Variants in INSYN2B observed in about 807,000 individuals in gnomAD.
The protein encoded by INSYN2B is protein INSYN2B.
In INSYN2B, 16 loss-of-function variants were observed where a neutral mutation model predicts 41.2. The ratio of observed to expected loss-of-function variants is 0.39; its 90% CI spans 0.26 to 0.59. The LOEUF (loss-of-function observed/expected upper bound fraction) is 0.59, where lower values mean the gene tolerates loss of function less well. Among genes scored for constraint, INSYN2B ranks in the 20% least tolerant of loss-of-function variants. The pLI is 0.57. For synonymous variants in INSYN2B, 245 were observed against 244.4 expected, an observed-to-expected ratio of 1.00 and a Z score of -0.02; for missense variants, 608 against 646.4, an observed-to-expected ratio of 0.94 and a Z score of 0.64.
At chr5:169,889,946 G>A (rs1413895162) in intron 1 of INSYN2B, among the ~76,000 whole-genome samples, 1 of 152,194 alleles carries the variant, frequency 6.6e-6, no homozygotes, top group Non-Finnish European at 1.5e-5. Flanking sequence ...TCCCTTCTCT[G>A]AACTTAGTAA....
At chr5:169,869,961 C>A (rs1262999176) in intron 3 of INSYN2B, among the ~76,000 whole-genome samples, 2 of 152,182 alleles carry the variant, frequency 1.3e-5, no homozygotes, top group Non-Finnish European at 2.9e-5. Context: ...TTGCAGAACC[C>A]TGGCTTACAG....
intron 3 of INSYN2B, among the ~76,000 whole-genome samples, chr5:169,880,767 A>T (rs915471150): frequency 6.6e-6 from 1 of 152,216 alleles, no homozygotes; most frequent in South Asian, 2.1e-4. Context: ...TTGGGGATTA[A>T]AACACAGATC....
chr5:169,919,358 C>G (rs1320133213), intron 1 of INSYN2B, among the ~76,000 whole-genome samples: 2 of 152,206 alleles, frequency 1.3e-5, no homozygotes, highest in Non-Finnish European at 2.9e-5. Flanking sequence ...ACTGCGTTGC[C>G]TTCCCTCCAT....
At chr5:169,900,406 C>T (rs376188946) in intron 1 of INSYN2B, among the ~76,000 whole-genome samples, 5 of 152,140 alleles carry the variant, frequency 3.3e-5, no homozygotes, top group South Asian at 2.1e-4. Context: ...GTTTTTCCTT[C>T]CACATAAACT....
intron 1 of INSYN2B, among the ~76,000 whole-genome samples, chr5:169,963,928 C>T (rs982630058): frequency 2.6e-5 from 4 of 152,066 alleles, no homozygotes; most frequent in South Asian, 2.1e-4. Context: ...AATAAGTTTT[C>T]GGATGCTGCT....
intron 1 of INSYN2B, among the ~76,000 whole-genome samples, chr5:169,942,200 G>A (rs1223355158): frequency 6.6e-6 from 1 of 152,118 alleles, no homozygotes; most frequent in African/African-American, 2.4e-5. Context: ...TGTGTGTATG[G>A]GTGATGGAGA....
At chr5:169,950,452 A>G (rs946197920) in intron 1 of INSYN2B, among the ~76,000 whole-genome samples, 2 of 151,974 alleles carry the variant, frequency 1.3e-5, no homozygotes, top group African/African-American at 4.8e-5. Flanking sequence ...AGACAAACCT[A>G]GGTAAACAGA....
intron 1 of INSYN2B, among the ~76,000 whole-genome samples, chr5:169,948,182 A>G (rs1776520323): frequency 6.6e-6 from 1 of 152,172 alleles, no homozygotes; most frequent in African/African-American, 2.4e-5. Context: ...TCACTTGACA[A>G]ATAGTTATTT....
chr5:169,906,608 G>A (rs1003229536), intron 1 of INSYN2B, among the ~76,000 whole-genome samples: 14 of 152,098 alleles, frequency 9.2e-5, no homozygotes, highest in African/African-American at 2.7e-4. Flanking sequence ...CTGGGGTTAC[G>A]GGTATGAGCC....
chr5:169,945,297 C>T (rs537226598), intron 1 of INSYN2B, among the ~76,000 whole-genome samples: 3 of 152,304 alleles, frequency 2.0e-5, no homozygotes, highest in African/African-American at 7.2e-5. Flanking sequence ...AGGCATATAC[C>T]GAGTGGTAGT....
intron 3 of INSYN2B, among the ~76,000 whole-genome samples, chr5:169,865,100 G>T (rs1312686724): frequency 6.6e-6 from 1 of 152,190 alleles, no homozygotes; most frequent in Non-Finnish European, 1.5e-5. Context: ...AGCTTTACAT[G>T]TAAGACTGCC....
chr5:169,963,178 G>A (rs1348484615), intron 1 of INSYN2B, among the ~76,000 whole-genome samples: 1 of 152,184 alleles, frequency 6.6e-6, no homozygotes, highest in Non-Finnish European at 1.5e-5. Flanking sequence ...GGGAAGGCCT[G>A]AGGATGCTCT....
intron 1 of INSYN2B, among the ~76,000 whole-genome samples, chr5:169,888,036 A>G (rs1440627847): frequency 6.6e-6 from 1 of 152,060 alleles, no homozygotes; most frequent in Non-Finnish European, 1.5e-5. Flanking sequence ...TGATACAAAT[A>G]AAGGCTGAAA....
rs1771194126 is a variant in INSYN2B, at chr5:169,861,503, A to G, written c.*2770T>C. On this transcript the variant is annotated 3_prime_UTR_variant, in exon 4 of 4. Coordinates refer to ENST00000377365, the MANE Select transcript of INSYN2B (RefSeq NM_001129891.3). ...AGAAAGCAGCTACATAAACTCCTGC[A>G]ATTTAAGTTGATGTATTGGTCTTTT... Among the ~76,000 whole-genome samples, 1 of 152,222 alleles carries G rather than the reference A, an allele frequency of 6.6e-6. No homozygotes were observed. Among genetic ancestry groups the G allele is most frequent in the Non-Finnish European group, 1.5e-5 (1 of 68,044 alleles).
At chr5:169,975,203 A>T (rs1426198648) in intron 1 of INSYN2B, among the ~76,000 whole-genome samples, 1 of 152,224 alleles carries the variant, frequency 6.6e-6, no homozygotes, top group Non-Finnish European at 1.5e-5. Context: ...AAGAGTCAAC[A>T]TTTAAAACAT....
chr5:169,888,988 A>G (rs1773134504), intron 1 of INSYN2B, among the ~76,000 whole-genome samples: 1 of 152,154 alleles, frequency 6.6e-6, no homozygotes, highest in Admixed American at 6.5e-5. Flanking sequence ...TTGTCTCTCT[A>G]TATTGTGATG....
At chr5:169,979,587 A>G (rs1046726143) in intron 1 of INSYN2B, among the ~76,000 whole-genome samples, 12 of 152,152 alleles carry the variant, frequency 7.9e-5, no homozygotes, top group African/African-American at 2.7e-4. Flanking sequence ...GTGATTTCCC[A>G]CAGATCTGAT....
In INSYN2B at chr5:169,928,413, T is replaced by C. The variant is rs372525836; in HGVS notation, c.-918-43597A>G. 3.3e-4 allele frequency among the ~76,000 whole-genome samples: 50 copies of C among 152,372 alleles called. 1 individual carries two copies. The highest frequency in any genetic ancestry group is 2.1e-3 in the South Asian group (10 of 4,832). On this transcript the variant is annotated intron_variant, in intron 1 of 3. Transcript: ENST00000377365. ...ACTGCTCTGCCCCAGAATGCCCCGC[T>C]GTTTTCACGTAGTCAGGCAGGTTCC...
chr5:169,917,207 A>T (rs1465672653), intron 1 of INSYN2B, among the ~76,000 whole-genome samples: 1 of 152,204 alleles, frequency 6.6e-6, no homozygotes, highest in Non-Finnish European at 1.5e-5. Flanking sequence ...TTGCCACCTC[A>T]TTCTCAGTCA....
Sources: allele counts gnomAD v4.1 joint callset (sites outside exome capture counted in the v4.1 genomes callset), GRCh38; gene constraint gnomAD v4.1.1; transcripts MANE v1.5; gene names NCBI Gene and HGNC (gene_info 2026-07-23, HGNC 2026-07-21).